FBXL17: variants seen among roughly 807,000 people sequenced by gnomAD.
FBXL17 encodes the protein F-box/LRR-repeat protein 17.
In FBXL17, 22 loss-of-function variants were observed where a neutral mutation model predicts 66.2. That is an observed-to-expected ratio of 0.33 (90% CI 0.24 to 0.47). FBXL17 has a LOEUF of 0.47. Ranked by LOEUF, FBXL17 falls within the 20% of genes least tolerant of loss-of-function variation. FBXL17 has a pLI of 1.00. For missense variants in FBXL17, 878 were observed against 948.2 expected, an observed-to-expected ratio of 0.93 and a Z score of 0.97; for synonymous variants, 474 against 400.5, an observed-to-expected ratio of 1.18 and a Z score of -2.19.
At chr5:108,111,593 A>C (rs114560129) in intron 6 of FBXL17, among the ~76,000 whole-genome samples, 223 of 152,308 alleles carry the variant, frequency 1.5e-3, no homozygotes, top group Non-Finnish European at 2.7e-3. Flanking sequence ...ATCTAGTTAC[A>C]TGCTACATCC....
chr5:107,919,772 T>C (rs925757852), intron 7 of FBXL17, among the ~76,000 whole-genome samples: 3 of 152,198 alleles, frequency 2.0e-5, no homozygotes, highest in Non-Finnish European at 4.4e-5. Context: ...AAAATGCCAC[T>C]TGCACCCATT....
At chr5:108,255,555 G>A (rs934473740) in intron 4 of FBXL17, among the ~76,000 whole-genome samples, 2 of 152,068 alleles carry the variant, frequency 1.3e-5, no homozygotes, top group African/African-American at 4.8e-5. Context: ...AAATTTAACA[G>A]AATTCTTTTG....
At chr5:108,133,673 T>C (rs1751022426) in intron 6 of FBXL17, among the ~76,000 whole-genome samples, 1 of 151,752 alleles carries the variant, frequency 6.6e-6, no homozygotes, top group Admixed American at 6.6e-5. Flanking sequence ...CGTTGGTCTA[T>C]AGGAAAGCAA....
chr5:108,370,324 T>C (rs960011961), intron 1 of FBXL17, among the ~76,000 whole-genome samples: 5 of 152,216 alleles, frequency 3.3e-5, no homozygotes, highest in African/African-American at 4.8e-5. Context: ...TACCTCTATA[T>C]GGACAAAAGT....
At chr5:108,253,990 A>G (rs975762058) in intron 4 of FBXL17, among the ~76,000 whole-genome samples, 13 of 152,156 alleles carry the variant, frequency 8.5e-5, no homozygotes, top group African/African-American at 3.1e-4. Context: ...AGAAAAGAAA[A>G]GAAACTGTAA....
At chr5:108,097,120 A>C (rs1327703831) in intron 6 of FBXL17, among the ~76,000 whole-genome samples, 1 of 152,134 alleles carries the variant, frequency 6.6e-6, no homozygotes. Context: ...TGTTTTCATG[A>C]TAGTGAGTTC....
intron 7 of FBXL17, among the ~76,000 whole-genome samples, chr5:107,925,828 G>C (rs925946077): frequency 1.5e-4 from 23 of 152,142 alleles, no homozygotes. Context: ...CCTTGCCTCA[G>C]AGTCTACTTT....
rs192213850 is a variant in FBXL17, at chr5:107,998,650, T to C, written c.1822+22275A>G. ...TACCAGATTTCAACATATATGTATA[T>C]AAAATTTTTGAGGTCAGAAAGTCAA... On this transcript the variant is annotated intron_variant, in intron 7 of 8. Coordinates refer to ENST00000542267, the MANE Select transcript of FBXL17 (RefSeq NM_001163315.3). Among the ~76,000 whole-genome samples, 11 of 152,154 alleles carry C rather than the reference T, an allele frequency of 7.2e-5. No individual in the cohort carries two copies. The East Asian group carries it at 1.5e-3, about 21-fold the overall frequency.
chr5:108,072,656 C>T (rs1474276336), intron 6 of FBXL17, among the ~76,000 whole-genome samples: 2 of 152,062 alleles, frequency 1.3e-5, no homozygotes, highest in Admixed American at 6.5e-5. Context: ...TACAGTGAGC[C>T]GAGATTGCGC....
chr5:108,353,763 GA>G (rs1747790851), intron 3 of FBXL17, among the ~76,000 whole-genome samples: 2 of 151,918 alleles, frequency 1.3e-5, no homozygotes, highest in Admixed American at 1.3e-4. Flanking sequence ...AGGGTAAGGG[GA>G]AAAAAAGAAG....
Position 108,191,301 on chromosome 5 carries a change from T to TA in FBXL17, c.1615-5055dup, listed in dbSNP as rs757492043. ...GACACAGAGTTTCTATGTGAATTCTTACCCATCTCTTGCCTTCCTTCATTG... is the reference window on the plus strand; with the variant it reads ...GACACAGAGTTTCTATGTGAATTCTTAACCCATCTCTTGCCTTCCTTCATTG... On this transcript the variant is annotated intron_variant, in intron 5 of 8. Transcript: ENST00000542267. Among the ~76,000 whole-genome samples, 13 of 152,226 alleles carry TA rather than the reference T, an allele frequency of 8.5e-5. No homozygotes were observed. In the East Asian group the frequency reaches 1.5e-3, roughly 18 times the overall value.
chr5:108,057,729 AT>A (rs1415691646), intron 6 of FBXL17, among the ~76,000 whole-genome samples: 5 of 152,188 alleles, frequency 3.3e-5, no homozygotes, highest in African/African-American at 1.2e-4. Flanking sequence ...GTCCTAAGGG[AT>A]TTTGTTCAAA....
chr5:108,064,804 G>A (rs288139), intron 6 of FBXL17, among the ~76,000 whole-genome samples: 30,503 of 152,030 alleles, frequency 0.2, 3,448 homozygotes, highest in South Asian at 0.47. Flanking sequence ...ACAGTTCCTA[G>A]GCTAAACAGT....
intron 5 of FBXL17, among the ~76,000 whole-genome samples, chr5:108,211,532 A>C (rs1754371261): frequency 6.6e-6 from 1 of 152,074 alleles, no homozygotes; most frequent in Non-Finnish European, 1.5e-5. Context: ...TGGTGACAAA[A>C]TCTCTCAGCA....
chr5:108,106,082 T>C (rs1056789702), intron 6 of FBXL17, among the ~76,000 whole-genome samples: 9 of 152,124 alleles, frequency 5.9e-5, no homozygotes, highest in African/African-American at 2.2e-4. Flanking sequence ...CAGTAAGTGC[T>C]AAACTGGGAC....
At chr5:108,282,614 A>G (rs1487265271) in intron 4 of FBXL17, among the ~76,000 whole-genome samples, 1 of 151,740 alleles carries the variant, frequency 6.6e-6, no homozygotes, top group East Asian at 1.9e-4. Context: ...CAAAGCAAGG[A>G]TACCCACTTT....
chr5:108,309,898 C>T (rs1759034832), intron 4 of FBXL17, among the ~76,000 whole-genome samples: 1 of 152,000 alleles, frequency 6.6e-6, no homozygotes, highest in Non-Finnish European at 1.5e-5. Context: ...CCCTCATCTA[C>T]TTACATTTGC....
In FBXL17 at chr5:108,067,244, A is replaced by G. The variant is rs192109939; in HGVS notation, c.1746-46243T>C. Among the ~76,000 whole-genome samples the G allele has an allele frequency of 3.2e-3, 481 of 152,272 alleles. 1 individual carries two copies. Among genetic ancestry groups the G allele is most frequent in the Non-Finnish European group, 4.4e-3 (297 of 67,998 alleles). ...AACAGTATATGGTATTATCTGAGAC[A>G]TGTAAAACAGACTTAATATCTACTT... On this transcript the variant is annotated intron_variant, in intron 6 of 8. Coordinates refer to ENST00000542267, the MANE Select transcript of FBXL17 (RefSeq NM_001163315.3).
At chr5:107,912,354 C>T (rs1187949479) in intron 7 of FBXL17, among the ~76,000 whole-genome samples, 3 of 152,012 alleles carry the variant, frequency 2.0e-5, no homozygotes, top group East Asian at 1.9e-4. Flanking sequence ...GTATATTGCT[C>T]GCTGCACCCA....
Sources: gnomAD v4.1 joint callset for allele counts (sites outside exome capture counted in the v4.1 genomes callset) on GRCh38, gnomAD v4.1.1 for gene constraint, MANE v1.5 for transcripts, NCBI Gene and HGNC (gene_info 2026-07-23, HGNC 2026-07-21) for gene names.